Variants in KCNQ5 observed in about 807,000 individuals in gnomAD.
KCNQ5 encodes potassium voltage-gated channel subfamily KQT member 5.
KCNQ5 carries 30 observed loss-of-function variants against 98.2 expected under a neutral mutation model. That is an observed-to-expected ratio of 0.31 (90% CI 0.23 to 0.41). The LOEUF is 0.41. KCNQ5 is among the 10% of genes least tolerant of loss of function. KCNQ5 has a pLI of 1.00. For synonymous variants in KCNQ5, 458 were observed against 449.4 expected (o/e 1.02, Z -0.24); for missense variants, 835 against 1,182.5 (o/e 0.71, Z 4.31).
At chr6:72,765,936 C>T (rs1376077200) in intron 1 of KCNQ5, among the ~76,000 whole-genome samples, 1 of 151,938 alleles carries the variant, frequency 6.6e-6, no homozygotes, top group African/African-American at 2.4e-5. Context: ...TCTGTTTATG[C>T]CTTCAACAAA....
intron 1 of KCNQ5, among the ~76,000 whole-genome samples, chr6:72,801,953 T>C (rs982915154): frequency 8.5e-5 from 13 of 152,172 alleles, no homozygotes; most frequent in East Asian, 1.9e-4. Flanking sequence ...TGAATATTGG[T>C]CCCCACTCTC....
At chr6:72,643,539 T>C (rs1765435214) in intron 1 of KCNQ5, among the ~76,000 whole-genome samples, 1 of 152,150 alleles carries the variant, frequency 6.6e-6, no homozygotes, top group Admixed American at 6.5e-5. Context: ...ATGTAACTTT[T>C]TGAGTGCTGG....
intron 1 of KCNQ5, among the ~76,000 whole-genome samples, chr6:72,874,644 T>C (rs1778337190): frequency 6.6e-6 from 1 of 152,176 alleles, no homozygotes; most frequent in Non-Finnish European, 1.5e-5. Context: ...AGCTACATTT[T>C]ACTGAGTGCC....
chr6:72,899,322 C>G (rs1779383891), intron 1 of KCNQ5, among the ~76,000 whole-genome samples: 1 of 152,100 alleles, frequency 6.6e-6, no homozygotes, highest in Non-Finnish European at 1.5e-5. Flanking sequence ...TCCCAGCAAC[C>G]ATCATCCTTT....
intron 1 of KCNQ5, among the ~76,000 whole-genome samples, chr6:72,935,064 C>CTTTTTTTTT (rs59215198): frequency 1.1e-4 from 11 of 99,222 alleles, no homozygotes; most frequent in Non-Finnish European, 2.1e-4. Context: ...CTTGTTCTAT[C>CTTTTTTTTT]TTTTTTTTTT....
intron 1 of KCNQ5, among the ~76,000 whole-genome samples, chr6:72,877,219 C>T (rs1562041151): frequency 1.3e-5 from 2 of 152,038 alleles, no homozygotes; most frequent in African/African-American, 2.4e-5. Flanking sequence ...CTCCTTGCCC[C>T]GACCCCCCCG....
At position 73,194,981 on chromosome 6, in the gene KCNQ5, A is replaced by T. The variant is rs771383058; in HGVS notation, c.2366A>T (p.Glu789Val). 11 of 1,614,094 alleles carry T rather than the reference A, an allele frequency of 6.8e-6. No individual in the cohort carries two copies. The highest frequency in any genetic ancestry group is 7.6e-6 in the Non-Finnish European group (9 of 1,180,042). The change falls in exon 14 of 14, where the codon GAA becomes GTA. Residue 789 changes from glutamate (E) to valine (V), a missense_variant. This residue lies in a region of KCNQ5 where 416 missense variants were observed against 446.9 expected (regional missense o/e 0.93). Coordinates refer to ENST00000370398, the MANE Select transcript of KCNQ5 (RefSeq NM_019842.4). ...DVTTCLVASK[E>V]NVQVAQSNLT... ...ACCACCTGCCTTGTTGCCTCCAAGG[A>T]AAATGTTCAGGTTGCACAGTCAAAT...
Position 73,115,882 on chromosome 6 carries a change from G to A in KCNQ5, c.1125+4479G>A, listed in dbSNP as rs572102643. 1.6e-4 allele frequency among the ~76,000 whole-genome samples: 25 copies of A among 152,302 alleles called. No homozygotes were observed. In the South Asian group the frequency reaches 3.7e-3, roughly 23 times the overall value. Reference sequence around the variant, plus strand: ...GCAAAGGGGATTTCTATGATAATAGGGAAGGGAAGTCCCAAGACAACAGCT... The same window carrying A: ...GCAAAGGGGATTTCTATGATAATAGAGAAGGGAAGTCCCAAGACAACAGCT... On this transcript the variant is annotated intron_variant, in intron 7 of 13. Coordinates refer to ENST00000370398, the MANE Select transcript of KCNQ5 (RefSeq NM_019842.4).
chr6:72,735,183 G>T (rs2154475913), intron 1 of KCNQ5, among the ~76,000 whole-genome samples: 1 of 152,302 alleles, frequency 6.6e-6, no homozygotes, highest in East Asian at 1.9e-4. Flanking sequence ...AATGACAATT[G>T]ATTATTATAA....
chr6:72,840,592 T>C (rs2150132746), intron 1 of KCNQ5, among the ~76,000 whole-genome samples: 1 of 152,308 alleles, frequency 6.6e-6, no homozygotes, highest in Middle Eastern at 3.4e-3. Context: ...AAAATCTTCC[T>C]ACTTTTGTTC....
chr6:72,636,687 C>T (rs982048089), intron 1 of KCNQ5, among the ~76,000 whole-genome samples: 2 of 152,170 alleles, frequency 1.3e-5, no homozygotes, highest in Non-Finnish European at 2.9e-5. Context: ...AACCTGACCT[C>T]TTGCTAAGTG....
At chr6:72,862,296 A>G (rs889635201) in intron 1 of KCNQ5, among the ~76,000 whole-genome samples, 5 of 152,184 alleles carry the variant, frequency 3.3e-5, no homozygotes, top group Non-Finnish European at 7.4e-5. Flanking sequence ...TGAGGAGGCC[A>G]TAAATGTCAT....
intron 1 of KCNQ5, among the ~76,000 whole-genome samples, chr6:72,738,845 A>G (rs1770985997): frequency 6.6e-6 from 1 of 152,222 alleles, no homozygotes; most frequent in Admixed American, 6.5e-5. Context: ...CATTCTGGAA[A>G]CAGCAAAACT....
chr6:73,047,011 G>GA (rs1427546306), intron 3 of KCNQ5, among the ~76,000 whole-genome samples: 1 of 152,110 alleles, frequency 6.6e-6, no homozygotes, highest in African/African-American at 2.4e-5. Context: ...GAGGAAGCAA[G>GA]ACAAACTTAA....
intron 1 of KCNQ5, among the ~76,000 whole-genome samples, chr6:72,761,655 G>T (rs1772285353): frequency 1.3e-5 from 2 of 151,362 alleles, no homozygotes; most frequent in African/African-American, 4.9e-5. Context: ...ATGTCATTTT[G>T]TTTTATTTCT....
intron 1 of KCNQ5, among the ~76,000 whole-genome samples, chr6:72,889,966 G>T (rs1323309667): frequency 6.6e-6 from 1 of 152,158 alleles, no homozygotes; most frequent in Admixed American, 6.5e-5. Flanking sequence ...AGAGAGAACT[G>T]AATTCAGTCA....
chr6:72,897,039 G>A (rs745857187), intron 1 of KCNQ5, among the ~76,000 whole-genome samples: 3 of 151,866 alleles, frequency 2.0e-5, no homozygotes, highest in African/African-American at 4.8e-5. Context: ...AGGTCATTCC[G>A]AGCAACATGA....
chr6:73,076,446 G>A (rs1050408213), intron 3 of KCNQ5, among the ~76,000 whole-genome samples: 2 of 152,126 alleles, frequency 1.3e-5, no homozygotes, highest in African/African-American at 4.8e-5. Context: ...CCACTTCAAA[G>A]CCTACTTCCC....
chr6:72,955,322 T>G (rs1334885832), intron 1 of KCNQ5, among the ~76,000 whole-genome samples: 2 of 152,230 alleles, frequency 1.3e-5, no homozygotes, highest in Non-Finnish European at 2.9e-5. Context: ...CAAGGCCTTC[T>G]GAATTGTTCA....
Sources: gnomAD v4.1 joint callset for allele counts (sites outside exome capture counted in the v4.1 genomes callset) on GRCh38, gnomAD v4.1.1 for gene constraint, gnomAD v4.1.1 regional missense constraint, MANE v1.5 for transcripts, NCBI Gene and HGNC (gene_info 2026-07-23, HGNC 2026-07-21) for gene names.